The following NELL1 variants were observed in gnomAD, a reference collection of about 807,000 sequenced individuals.
NELL1 encodes the protein neural EGFL like 1.
NELL1 carries 76 observed loss-of-function variants against 107.4 expected under a neutral mutation model. The observed-to-expected ratio is 0.71, with a 90% CI of 0.59 to 0.86. The LOEUF is 0.86. NELL1 is among the 40% of genes least tolerant of loss of function. The probability of loss-of-function intolerance (pLI) is 0.00; values close to 1 mark genes in which losing one functional copy is unlikely to be tolerated. For missense variants in NELL1, 1,024 were observed against 1,005.5 expected (o/e 1.02, Z -0.25); for synonymous variants, 353 against 341.2 (o/e 1.03, Z -0.38).
intron 11 of NELL1, among the ~76,000 whole-genome samples, chr11:20,954,787 C>G (rs775899662): frequency 3.9e-5 from 6 of 152,146 alleles, no homozygotes; most frequent in Non-Finnish European, 8.8e-5. Flanking sequence ...CTCACCGGCC[C>G]TTCACTGTCC....
intron 14 of NELL1, among the ~76,000 whole-genome samples, chr11:21,314,247 A>G (rs1445311791): frequency 6.6e-6 from 1 of 152,072 alleles, no homozygotes; most frequent in Admixed American, 6.6e-5. Flanking sequence ...TCATGGCCCA[A>G]TCACTTTTAA....
At chr11:21,273,114 G>A (rs1015146946) in intron 14 of NELL1, among the ~76,000 whole-genome samples, 1 of 152,102 alleles carries the variant, frequency 6.6e-6, no homozygotes, top group East Asian at 1.9e-4. Flanking sequence ...CGAGCTACAG[G>A]AGGAAGTTCA....
chr11:21,321,192 T>C (rs1850001741), intron 14 of NELL1, among the ~76,000 whole-genome samples: 1 of 152,214 alleles, frequency 6.6e-6, no homozygotes, highest in South Asian at 2.1e-4. Context: ...TGGGATGCTG[T>C]CTCCCAGGAG....
chr11:20,952,388 A>C (rs1361246563), intron 11 of NELL1, among the ~76,000 whole-genome samples: 1 of 152,160 alleles, frequency 6.6e-6, no homozygotes, highest in East Asian at 1.9e-4. Context: ...TATGTCCTTC[A>C]ATTAAACCCT....
intron 16 of NELL1, among the ~76,000 whole-genome samples, chr11:21,535,031 A>G (rs1856099762): frequency 6.6e-6 from 1 of 152,172 alleles, no homozygotes; most frequent in African/African-American, 2.4e-5. Flanking sequence ...CTATTTAAAA[A>G]TTGCAAGATT....
chr11:21,246,204 A>C (rs771944589), intron 14 of NELL1, among the ~76,000 whole-genome samples: 1 of 152,196 alleles, frequency 6.6e-6, no homozygotes, highest in Non-Finnish European at 1.5e-5. Context: ...TTTTCTATGA[A>C]GAAGGCAGAA....
intron 15 of NELL1, among the ~76,000 whole-genome samples, chr11:21,451,507 C>T (rs748239120): frequency 6.6e-6 from 1 of 152,090 alleles, no homozygotes; most frequent in Admixed American, 6.5e-5. Context: ...AGCCAGATTA[C>T]AAGGAGGCTT....
chr11:21,143,620 T>C (rs1855914806), intron 13 of NELL1, among the ~76,000 whole-genome samples: 1 of 152,166 alleles, frequency 6.6e-6, no homozygotes, highest in Non-Finnish European at 1.5e-5. Context: ...AGTAGAACTA[T>C]CCATTGGCTG....
At chr11:21,238,604 G>A (rs1179541292) in intron 14 of NELL1, among the ~76,000 whole-genome samples, 1 of 151,958 alleles carries the variant, frequency 6.6e-6, no homozygotes, top group Non-Finnish European at 1.5e-5. Context: ...GGAAAGGGAA[G>A]TAGTCTTGAA....
intron 12 of NELL1, among the ~76,000 whole-genome samples, chr11:21,044,125 T>G (rs1853301991): frequency 6.6e-6 from 1 of 151,838 alleles, no homozygotes; most frequent in Non-Finnish European, 1.5e-5. Flanking sequence ...AAGTTTAGAG[T>G]TAGGGTGCAG....
chr11:21,560,454 G>A lies in NELL1; in HGVS notation c.1980+72G>A. On this transcript the variant is annotated intron_variant, in intron 17 of 19. Transcript: ENST00000357134. ...CTTCCCTCACTTTTCTACCTCCCCA[G>A]CTCTCTCCCTCTTGCTGTTGACTGT... 4 of 1,306,854 alleles carry A rather than the reference G, an allele frequency of 3.1e-6. No individual in the cohort carries two copies. The South Asian group carries it at 6.1e-5, about 20-fold the overall frequency. 81.0% of individuals were successfully genotyped at this position (1,306,854 alleles called of 1,614,324 possible). A position where few individuals can be genotyped will look rare whatever the true frequency, so the allele number is the denominator to read the frequency against.
At chr11:20,955,758 A>G (rs1010653427) in intron 11 of NELL1, among the ~76,000 whole-genome samples, 1 of 152,214 alleles carries the variant, frequency 6.6e-6, no homozygotes, top group African/African-American at 2.4e-5. Flanking sequence ...GAAACTTATC[A>G]TTATTATTTA....
intron 3 of NELL1, among the ~76,000 whole-genome samples, chr11:20,846,129 G>C (rs1313805533): frequency 6.6e-6 from 1 of 152,130 alleles, no homozygotes; most frequent in African/African-American, 2.4e-5. Context: ...GGGCCTAGAA[G>C]CTGGCTGCTA....
intron 14 of NELL1, among the ~76,000 whole-genome samples, chr11:21,269,623 C>CTCTACA (rs1007110750): frequency 2.0e-5 from 3 of 152,020 alleles, no homozygotes; most frequent in Non-Finnish European, 2.9e-5. Context: ...GACATAAAGC[C>CTCTACA]ATTTTCAGAC....
intron 14 of NELL1, among the ~76,000 whole-genome samples, chr11:21,264,821 ATGTATCC>A (rs1226589515): frequency 1.3e-5 from 2 of 151,874 alleles, no homozygotes; most frequent in Non-Finnish European, 2.9e-5. Context: ...TCATTGACTC[ATGTATCC>A]TTTCATTATT....
At position 21,360,232 on chromosome 11, in the gene NELL1, G is replaced by C. The variant is rs549276085; in HGVS notation, c.1550-10621G>C. On this transcript the variant is annotated intron_variant, in intron 14 of 19. Coordinates refer to ENST00000357134, the MANE Select transcript of NELL1 (RefSeq NM_006157.5). ...CAAAAAAAATTTAAATTTCCATCTT[G>C]ATTTCTTTGTTGACCCAAAGATAAT... is the stretch of plus-strand genomic sequence containing the variant. Among the ~76,000 whole-genome samples the C allele has an allele frequency of 1.6e-4, 25 of 152,070 alleles. No homozygotes were observed. In the South Asian group the frequency reaches 5.2e-3, roughly 32 times the overall value.
intron 12 of NELL1, among the ~76,000 whole-genome samples, chr11:21,020,804 C>T (rs1852679928): frequency 1.3e-5 from 2 of 151,898 alleles, no homozygotes; most frequent in South Asian, 4.2e-4. Context: ...GCCTTTCATT[C>T]CCTTTCCTGC....
chr11:21,512,523 C>T lies in NELL1; in HGVS notation c.1646-21851C>T, dbSNP rs192578046. 2.9e-3 allele frequency among the ~76,000 whole-genome samples: 446 copies of T among 152,150 alleles called. 4 individuals carry two copies. The highest frequency in any genetic ancestry group is 4.3e-3 in the Non-Finnish European group (291 of 68,010). The stretch of plus-strand genomic sequence containing the variant: ...ATATTGTAATTATATATGTGCTTGT[C>T]TCCCTCAAGGAAAATGTACTACTGA... On this transcript the variant is annotated intron_variant, in intron 15 of 19. Coordinates refer to ENST00000357134, the MANE Select transcript of NELL1 (RefSeq NM_006157.5).
At chr11:21,185,253 A>C (rs1856908740) in intron 13 of NELL1, among the ~76,000 whole-genome samples, 1 of 149,248 alleles carries the variant, frequency 6.7e-6, no homozygotes, top group South Asian at 2.1e-4. Flanking sequence ...TGAATTCTTT[A>C]TAATTTGACT....
Sources: gnomAD v4.1 joint callset for allele counts (sites outside exome capture counted in the v4.1 genomes callset) on GRCh38, gnomAD v4.1.1 for gene constraint, MANE v1.5 for transcripts, NCBI Gene and HGNC (gene_info 2026-07-23, HGNC 2026-07-21) for gene names.